The following DLEC1 variants were observed in gnomAD, a reference collection of about 807,000 sequenced individuals.
The protein encoded by DLEC1 is DLEC1 cilia and flagella associated protein.
Under a neutral mutation model 198.1 loss-of-function variants are expected in DLEC1, and 146 were observed. The ratio of observed to expected loss-of-function variants is 0.74; its 90% confidence interval spans 0.64 to 0.85. The LOEUF (loss-of-function observed/expected upper bound fraction) is 0.85. Ranked by LOEUF, DLEC1 falls within the 40% of genes least tolerant of loss-of-function variation. The pLI, the probability that DLEC1 is intolerant of heterozygous loss-of-function variation, is 0.00. For synonymous variants in DLEC1, 897 were observed against 866.8 expected (o/e 1.03, Z -0.61); for missense variants, 2,233 against 2,220.0 (o/e 1.01, Z -0.12).
In DLEC1 at chr3:38,116,780, G is replaced by A. The variant is rs1559464894; in HGVS notation, c.4070G>A (p.Gly1357Asp). Residue 1357 changes from glycine to aspartate, a missense_variant, in exon 29 of 37, where the codon GGC (glycine) becomes GAC (aspartate). Gly to Asp is a moderately conservative substitution (Grantham distance 94, BLOSUM62 -1). Transcript: ENST00000308059. ...FSHETDSSVE[G>D]SSSASNRVAQ... ...GTGATTCCTTGGTGACAGGTTGAGG[G>A]CAGCTCCAGTGCCAGCAATAGGGTG... is the stretch of plus-strand genomic sequence containing the variant. 3.7e-6 allele frequency: 6 copies of A among 1,612,238 alleles called. No homozygotes were observed. Among genetic ancestry groups the A allele is most frequent in the Non-Finnish European group, 5.1e-6 (6 of 1,178,984 alleles).
chr3:38,116,622 C>T lies in DLEC1; in HGVS notation c.4026C>T (p.Ser1342=), dbSNP rs576856710. 4.3e-6 allele frequency: 7 copies of T among 1,614,132 alleles called. No homozygotes were observed. The East Asian group carries it at 1.6e-4, about 36-fold the overall frequency. The change falls in exon 28 of 37, where the codon TCC becomes TCT. Residue 1342 remains serine, a synonymous_variant. Coordinates refer to ENST00000308059, the MANE Select transcript of DLEC1 (RefSeq NM_007335.4). Reference sequence around the variant, plus strand: ...GCCTCCTCTGGTCCCCAGGCCCCTCCAGTTCATCGGAATTCAGCCATGAAA... The same window carrying T: ...GCCTCCTCTGGTCCCCAGGCCCCTCTAGTTCATCGGAATTCAGCCATGAAA... The part of the protein sequence containing the change: ...GGCLLWSPGP[S]SSSEFSHETD...
chr3:38,111,383 A>G (rs1024888182), intron 23 of DLEC1, among the ~76,000 whole-genome samples: 71 of 152,330 alleles, frequency 4.7e-4, no homozygotes, highest in African/African-American at 1.6e-3. Context: ...CATGGCACAG[A>G]GCCTGTGGGC....
chr3:38,054,228 A>G (rs1252297372), intron 2 of DLEC1, among the ~76,000 whole-genome samples: 1 of 151,840 alleles, frequency 6.6e-6, no homozygotes, highest in Non-Finnish European at 1.5e-5. Flanking sequence ...AAAACAAACA[A>G]ACAAACAAAA....
chr3:38,084,485 AGTG>A (rs1698293609), intron 7 of DLEC1, among the ~76,000 whole-genome samples: 1 of 6,316 alleles, frequency 1.6e-4, no homozygotes, highest in Non-Finnish European at 3.0e-4. Flanking sequence ...TGGTGGTAGT[AGTG>A]GTGGTAGTAG....
Position 38,041,003 on chromosome 3 carries a change from C to CTTATTTAT in DLEC1, c.411+1386_411+1393dup, listed in dbSNP as rs112358223. On this transcript the variant is annotated intron_variant, in intron 1 of 36. Transcript: ENST00000308059. ...CACAGGTGTGCACCAGTATGCCCAG[C>CTTATTTAT]TTATTTATTTATTTATTTATTTATT... 4.6e-3 allele frequency among the ~76,000 whole-genome samples: 688 copies of CTTATTTAT among 150,960 alleles called. 3 individuals are homozygous for CTTATTTAT. Among genetic ancestry groups the CTTATTTAT allele is most frequent in the Middle Eastern group, 0.014 (4 of 290 alleles).
intron 1 of DLEC1, 81 bp downstream of exon 1, chr3:38,039,717 G>A (rs1700565527): frequency 2.0e-6 from 3 of 1,495,666 alleles, no homozygotes; most frequent in Non-Finnish European, 8.9e-7. Context: ...CCAGGTGCCA[G>A]GCGCTGTTCC....
intron 20 of DLEC1, 107 bp downstream of exon 20, chr3:38,107,844 A>C (rs1699649436): frequency 1.5e-6 from 2 of 1,302,944 alleles, no homozygotes; most frequent in Non-Finnish European, 2.1e-6. Flanking sequence ...AGAGATACTC[A>C]GCCTCCCTCC....
At position 38,123,521 on chromosome 3, in the gene DLEC1, T is replaced by G; in HGVS notation, c.*1109T>G. ...AAATCACAATCCTAAAAGATCAAAA[T>G]CCTGAAAATATAATTCTGGAAAAAA... On this transcript the variant is annotated 3_prime_UTR_variant, in exon 37 of 37. Transcript: ENST00000308059. The G allele has an allele frequency of 5.7e-6, 1 of 175,556 alleles. No homozygotes were observed. The highest frequency in any genetic ancestry group is 1.2e-5 in the Non-Finnish European group (1 of 82,864). 10.9% of individuals were successfully genotyped at this position (175,556 alleles called of 1,614,324 possible). A position where few individuals can be genotyped will look rare whatever the true frequency, so the allele number is the denominator to read the frequency against.
At chr3:38,052,116 G>T in intron 2 of DLEC1, 1 of 337,160 alleles carries the variant, frequency 3.0e-6, no homozygotes, top group South Asian at 3.3e-5. Context: ...TGGGCTCCTC[G>T]ACCCTGTGCA....
At chr3:38,095,129 C>CG (rs1295216113) in intron 13 of DLEC1, 58 bp downstream of exon 13, 11 of 1,581,840 alleles carry the variant, frequency 7.0e-6, no homozygotes, top group Middle Eastern at 1.7e-4. Context: ...TTAGACCCCC[C>CG]ACCTGTGTTC....
chr3:38,059,259 C>T (rs370288550), intron 2 of DLEC1, among the ~76,000 whole-genome samples: 48 of 152,328 alleles, frequency 3.2e-4, no homozygotes, highest in African/African-American at 1.2e-3. Context: ...CAGGGAAGCT[C>T]TTGTCACAAT....
intron 14 of DLEC1, 74 bp downstream of exon 14, chr3:38,096,020 G>A: frequency 1.3e-6 from 2 of 1,577,114 alleles, no homozygotes; most frequent in Non-Finnish European, 1.7e-6. Context: ...TCCTGGGGAA[G>A]GTATCAGGTG....
intron 6 of DLEC1, among the ~76,000 whole-genome samples, chr3:38,074,991 G>C (rs1697527843): frequency 6.6e-6 from 1 of 152,132 alleles, no homozygotes; most frequent in Admixed American, 6.5e-5. Context: ...GAACTAAACT[G>C]TAAGCCGGAC....
At chr3:38,110,899 CATACACATATGT>C (rs1297200060) in intron 23 of DLEC1, among the ~76,000 whole-genome samples, 1 of 152,024 alleles carries the variant, frequency 6.6e-6, no homozygotes, top group African/African-American at 2.4e-5. Flanking sequence ...AATATACACA[CATACACATATGT>C]ATACACATAT....
intron 13 of DLEC1, chr3:38,095,648 C>T (rs939084515): frequency 1.2e-4 from 62 of 533,434 alleles, no homozygotes; most frequent in African/African-American, 1.1e-3. Context: ...TCAGGAAGGC[C>T]TTTGCTTCTT....
At chr3:38,096,496 G>A in intron 14 of DLEC1, 73 bp from the exon 15 acceptor site, 3 of 1,521,236 alleles carry the variant, frequency 2.0e-6, no homozygotes, top group Non-Finnish European at 2.6e-6. Flanking sequence ...CCAAACGTGG[G>A]ACAGAGGCAG....
In DLEC1 at chr3:38,122,415, C is replaced by T. The variant is rs748951674; in HGVS notation, c.*3C>T. 1.2e-6 allele frequency: 2 copies of T among 1,614,156 alleles called. No homozygotes were observed. The highest frequency in any genetic ancestry group is 1.3e-5 in the African/African-American group (1 of 75,050). On this transcript the variant is annotated 3_prime_UTR_variant, in exon 37 of 37. Coordinates refer to ENST00000308059, the MANE Select transcript of DLEC1 (RefSeq NM_007335.4). ...ACATGTTGCCTCACCAGCCCTGAGGCTCCGCCCCAGCCCTCAGCCCCAGGC... is the reference window on the plus strand; with the variant it reads ...ACATGTTGCCTCACCAGCCCTGAGGTTCCGCCCCAGCCCTCAGCCCCAGGC...
At chr3:38,053,959 G>A in intron 2 of DLEC1, among the ~76,000 whole-genome samples, 1 of 152,138 alleles carries the variant, frequency 6.6e-6, no homozygotes, top group Non-Finnish European at 1.5e-5. Flanking sequence ...TAAGGGCGGT[G>A]CAAGATGTGC....
chr3:38,100,641 T>C (rs1699259739), intron 19 of DLEC1, among the ~76,000 whole-genome samples: 1 of 152,186 alleles, frequency 6.6e-6, no homozygotes, highest in African/African-American at 2.4e-5. Context: ...TGTATATATC[T>C]TTCTAGGGTG....
Sources: gnomAD v4.1 joint callset for allele counts (sites outside exome capture counted in the v4.1 genomes callset) on GRCh38, gnomAD v4.1.1 for gene constraint, MANE v1.5 for transcripts, NCBI Gene and HGNC (gene_info 2026-07-23, HGNC 2026-07-21) for gene names.